SDK1: variants seen among roughly 807,000 people sequenced by gnomAD.
SDK1 encodes the protein sidekick cell adhesion molecule 1, also known as protein sidekick-1.
In SDK1, 157 loss-of-function variants were observed where a neutral mutation model predicts 245.5. That is an observed-to-expected ratio of 0.64 (90% CI 0.56 to 0.73). SDK1 has a LOEUF of 0.73. Among genes scored for constraint, SDK1 ranks in the 30% least tolerant of loss-of-function variants. The probability of loss-of-function intolerance (pLI) is 0.00; values close to 1 mark genes in which losing one functional copy is unlikely to be tolerated. For synonymous variants in SDK1, 1,647 were observed against 1,278.5 expected (o/e 1.29, Z -6.15); for missense variants, 3,583 against 3,002.3 (o/e 1.19, Z -4.52).
chr7:3,992,233 G>A (rs58235667), intron 14 of SDK1, among the ~76,000 whole-genome samples: 11,858 of 152,272 alleles, frequency 0.078, 1,377 homozygotes, highest in African/African-American at 0.25. Flanking sequence ...TCCGAGCTCT[G>A]TGGAGCAGAG....
In SDK1 at chr7:4,267,978, C is replaced by G. The variant is rs184873630; in HGVS notation, c.*2594C>G. 826 of 985,512 alleles carry G rather than the reference C, an allele frequency of 8.4e-4. No homozygotes were observed. Among genetic ancestry groups the G allele is most frequent in the Admixed American group, 3.0e-3 (49 of 16,290 alleles). The allele number at this position is 985,512 out of a possible 1,614,324, so 61.0% of individuals were successfully genotyped here. ...TGCGGCATTTGAGAAGCAACAGTTC[C>G]TAACTCCTTATCTTCAGGGAAGGAA... is the stretch of plus-strand genomic sequence containing the variant. On this transcript the variant is annotated 3_prime_UTR_variant, in exon 45 of 45. Transcript: ENST00000404826.
At chr7:3,585,093 T>C (rs1780641796) in intron 1 of SDK1, among the ~76,000 whole-genome samples, 1 of 152,216 alleles carries the variant, frequency 6.6e-6, no homozygotes, top group African/African-American at 2.4e-5. Flanking sequence ...CCCTACATCC[T>C]GCTGCCCTAG....
intron 22 of SDK1, among the ~76,000 whole-genome samples, chr7:4,104,111 G>C (rs1398868758): frequency 1.3e-5 from 2 of 152,252 alleles, no homozygotes; most frequent in African/African-American, 4.8e-5. Flanking sequence ...CCATGCTGGA[G>C]TGCAGTTGCA....
In SDK1 at chr7:4,245,711, A is replaced by G. The variant is rs1267120711; in HGVS notation, c.6287A>G (p.Tyr2096Cys). ...PPRPSPGGLH[Y>C]SDEDICNKYN... ...CGGCCTAGCCCCGGCGGCCTGCACT[A>G]CTCAGACGAGGACATCTGCAACAAG... Residue 2096 changes from tyrosine to cysteine, a missense_variant, in exon 44 of 45, where the codon TAC (tyrosine) becomes TGC (cysteine). Tyr to Cys is a radical substitution (Grantham distance 194, BLOSUM62 -2). Coordinates refer to ENST00000404826, the MANE Select transcript of SDK1 (RefSeq NM_152744.4). The G allele has an allele frequency of 1.9e-6, 3 of 1,613,844 alleles. No individual in the cohort carries two copies. Among genetic ancestry groups the G allele is most frequent in the African/African-American group, 1.3e-5 (1 of 74,902 alleles).
At chr7:3,452,790 A>G (rs1780555130) in intron 1 of SDK1, among the ~76,000 whole-genome samples, 1 of 152,138 alleles carries the variant, frequency 6.6e-6, no homozygotes, top group Non-Finnish European at 1.5e-5. Context: ...CTGTTTCCAG[A>G]AGTCTTGCAG....
rs369272571 is a variant in SDK1 at position 3,503,983 on chromosome 7, C to G, written c.299-115097C>G. ...TGACCAACATGGTGAAACCCTGTCT[C>G]TACTAAAAATACAAAAATTAGCCGG... On this transcript the variant is annotated intron_variant, in intron 1 of 44. Transcript: ENST00000404826. Among the ~76,000 whole-genome samples the G allele has an allele frequency of 2.0e-5, 3 of 151,778 alleles. No homozygotes were observed. In the East Asian group the frequency reaches 5.8e-4, roughly 29 times the overall value.
At chr7:3,868,374 G>T (rs1780872267) in intron 5 of SDK1, among the ~76,000 whole-genome samples, 1 of 152,124 alleles carries the variant, frequency 6.6e-6, no homozygotes, top group African/African-American at 2.4e-5. Flanking sequence ...ATATAATGAG[G>T]TTAAAACTGT....
intron 5 of SDK1, among the ~76,000 whole-genome samples, chr7:3,823,226 A>G (rs1271238230): frequency 1.3e-5 from 2 of 152,208 alleles, no homozygotes; most frequent in African/African-American, 2.4e-5. Flanking sequence ...AAGAATGGAA[A>G]TTGTATTATC....
chr7:3,531,373 CATT>C (rs1250979737), intron 1 of SDK1, among the ~76,000 whole-genome samples: 5 of 152,146 alleles, frequency 3.3e-5, no homozygotes, highest in African/African-American at 1.2e-4. Context: ...ATATGACAGA[CATT>C]ATCTTCATTT....
chr7:3,879,440 G>C (rs1298554086), intron 5 of SDK1, among the ~76,000 whole-genome samples: 2 of 152,258 alleles, frequency 1.3e-5, no homozygotes, highest in Middle Eastern at 3.4e-3. Flanking sequence ...TCAGCCACTT[G>C]CCCCTGATGT....
chr7:3,391,597 G>C (rs1184547349), intron 1 of SDK1, among the ~76,000 whole-genome samples: 2 of 150,122 alleles, frequency 1.3e-5, no homozygotes, highest in Non-Finnish European at 3.0e-5. Context: ...GGCTTTCAGA[G>C]AAAAGAATAA....
chr7:3,861,693 C>G (rs1780695866), intron 5 of SDK1, among the ~76,000 whole-genome samples: 1 of 152,100 alleles, frequency 6.6e-6, no homozygotes, highest in African/African-American at 2.4e-5. Flanking sequence ...AAGTAATTCA[C>G]CAAGATTGAT....
chr7:4,015,907 A>G (rs1786360135), intron 16 of SDK1, among the ~76,000 whole-genome samples: 1 of 152,232 alleles, frequency 6.6e-6, no homozygotes, highest in Non-Finnish European at 1.5e-5. Flanking sequence ...GAACGGGAGA[A>G]TGCTCTCGGA....
At chr7:4,217,157 A>G (rs1375709709) in intron 38 of SDK1, among the ~76,000 whole-genome samples, 3 of 96,014 alleles carry the variant, frequency 3.1e-5, no homozygotes, top group East Asian at 3.4e-4. Context: ...GGAGCACCAC[A>G]CCACCCGGAG....
chr7:3,338,568 G>A (rs1364826351), intron 1 of SDK1: 3 of 294,200 alleles, frequency 1.0e-5, no homozygotes, highest in Non-Finnish European at 6.5e-6. Context: ...AACCTGAGCT[G>A]CTGGGGTGTC....
rs567650696 is a variant in SDK1, at chr7:3,373,190, C to G, written c.298+71306C>G. Reference sequence around the variant, plus strand: ...ACTGAACATCATAGCCTAGCCTACCCTACCTTAAACGTGCTCAGAGCACTT... The same window carrying G: ...ACTGAACATCATAGCCTAGCCTACCGTACCTTAAACGTGCTCAGAGCACTT... On this transcript the variant is annotated intron_variant, in intron 1 of 44. Coordinates refer to ENST00000404826, the MANE Select transcript of SDK1 (RefSeq NM_152744.4). 3.7e-4 allele frequency among the ~76,000 whole-genome samples: 56 copies of G among 152,278 alleles called. 1 individual carries two copies. Among genetic ancestry groups the G allele is most frequent in the Non-Finnish European group, 7.2e-4 (49 of 68,016 alleles).
intron 1 of SDK1, among the ~76,000 whole-genome samples, chr7:3,364,256 G>A (rs1781028350): frequency 6.6e-6 from 1 of 152,096 alleles, no homozygotes; most frequent in Non-Finnish European, 1.5e-5. Flanking sequence ...CTTTTAACAG[G>A]GTCTTTTGCG....
At chr7:3,466,064 C>T (rs1780991078) in intron 1 of SDK1, among the ~76,000 whole-genome samples, 3 of 152,022 alleles carry the variant, frequency 2.0e-5, no homozygotes, top group Admixed American at 2.0e-4. Flanking sequence ...GGCAACTCAG[C>T]TAGGGGAGGT....
At chr7:3,466,211 G>C (rs764178902) in intron 1 of SDK1, among the ~76,000 whole-genome samples, 24 of 151,784 alleles carry the variant, frequency 1.6e-4, no homozygotes, top group South Asian at 2.1e-4. Flanking sequence ...AATAGGGAGA[G>C]CCTTAGGAGT....
Sources: gnomAD v4.1 joint callset for allele counts (sites outside exome capture counted in the v4.1 genomes callset) on GRCh38, gnomAD v4.1.1 for gene constraint, MANE v1.5 for transcripts, NCBI Gene and HGNC (gene_info 2026-07-23, HGNC 2026-07-21) for gene names.